SLC2A13: variants seen among roughly 807,000 people sequenced by gnomAD.
The protein encoded by SLC2A13 is proton myo-inositol cotransporter.
In SLC2A13, 32 loss-of-function variants were observed where a neutral mutation model predicts 64.4. The ratio of observed to expected loss-of-function variants is 0.50; its 90% CI spans 0.37 to 0.67. The LOEUF is 0.67. Ranked by LOEUF, SLC2A13 falls within the 30% of genes least tolerant of loss-of-function variation. The probability of loss-of-function intolerance (pLI) is 0.00; values close to 1 mark genes in which losing one functional copy is unlikely to be tolerated. For synonymous variants in SLC2A13, 338 were observed against 327.1 expected (o/e 1.03, Z -0.36); for missense variants, 743 against 829.2 (o/e 0.90, Z 1.28).
chr12:39,840,997 A>G (rs1943164083), intron 6 of SLC2A13, among the ~76,000 whole-genome samples: 1 of 152,160 alleles, frequency 6.6e-6, no homozygotes, highest in African/African-American at 2.4e-5. Flanking sequence ...TGAAGCTTGA[A>G]TCACACCATG....
At chr12:39,971,997 A>ATATATATAT (rs1555144633) in intron 3 of SLC2A13, among the ~76,000 whole-genome samples, 1 of 77,380 alleles carries the variant, frequency 1.3e-5, no homozygotes, top group Admixed American at 1.8e-4. Flanking sequence ...AAAAAAAAAA[A>ATATATATAT]ATATATATAT....
At chr12:39,832,715 G>GATCT (rs1566841771) in intron 6 of SLC2A13, among the ~76,000 whole-genome samples, 2 of 151,390 alleles carry the variant, frequency 1.3e-5, no homozygotes, top group African/African-American at 4.9e-5. Flanking sequence ...CCCTCTACTT[G>GATCT]CTATTATCAG....
chr12:39,953,694 A>G (rs1419437302), intron 3 of SLC2A13, among the ~76,000 whole-genome samples: 1 of 152,234 alleles, frequency 6.6e-6, no homozygotes, highest in Non-Finnish European at 1.5e-5. Context: ...TTCTCACATT[A>G]TAAAAACTAA....
rs1366122526 is a variant in SLC2A13, at chr12:39,920,313, C to G, written c.1034+30944G>C. ...AAATATTAATTATCTCCAAGAAAAC[C>G]TAGCACATTGTTCTGAACAACGTAG... On this transcript the variant is annotated intron_variant, in intron 4 of 9. Coordinates refer to ENST00000280871, the MANE Select transcript of SLC2A13 (RefSeq NM_052885.4). Among the ~76,000 whole-genome samples the G allele has an allele frequency of 3.3e-5, 5 of 152,022 alleles. No homozygotes were observed. In the South Asian group the frequency reaches 1.0e-3, roughly 31 times the overall value.
chr12:40,011,176 C>T (rs1947525430), intron 3 of SLC2A13, among the ~76,000 whole-genome samples: 1 of 152,150 alleles, frequency 6.6e-6, no homozygotes, highest in Non-Finnish European at 1.5e-5. Context: ...GGTTTATCAA[C>T]ATCACCTGTG....
chr12:39,954,445 G>T (rs1341792038), intron 3 of SLC2A13, among the ~76,000 whole-genome samples: 2 of 152,114 alleles, frequency 1.3e-5, no homozygotes, highest in African/African-American at 4.8e-5. Context: ...AACAACCCAA[G>T]ACAGGGGAAA....
chr12:39,838,798 T>G (rs1284714306), intron 6 of SLC2A13, among the ~76,000 whole-genome samples: 1 of 152,102 alleles, frequency 6.6e-6, no homozygotes, highest in Non-Finnish European at 1.5e-5. Flanking sequence ...ATTTTTAGTT[T>G]CTACTCTGTG....
intron 4 of SLC2A13, among the ~76,000 whole-genome samples, chr12:39,883,943 G>A (rs1338465774): frequency 5.3e-5 from 8 of 151,870 alleles, no homozygotes; most frequent in South Asian, 2.1e-4. Flanking sequence ...CCATCAAAAC[G>A]TTTAGACAGA....
intron 9 of SLC2A13, among the ~76,000 whole-genome samples, chr12:39,761,776 A>AGAT (rs1346858316): frequency 1.3e-5 from 2 of 152,116 alleles, no homozygotes; most frequent in African/African-American, 4.8e-5. Context: ...AAATAAGTAC[A>AGAT]GATGGTAAAA....
intron 4 of SLC2A13, among the ~76,000 whole-genome samples, chr12:39,912,105 T>C (rs189859326): frequency 2.0e-5 from 3 of 152,168 alleles, no homozygotes; most frequent in Non-Finnish European, 2.9e-5. Context: ...CAGTTCCTTT[T>C]TCCCCACAAT....
intron 4 of SLC2A13, among the ~76,000 whole-genome samples, chr12:39,896,492 A>G (rs1422719343): frequency 6.8e-6 from 1 of 147,672 alleles, no homozygotes; most frequent in East Asian, 2.0e-4. Context: ...GTATATATGT[A>G]CACATATATG....
intron 3 of SLC2A13, among the ~76,000 whole-genome samples, chr12:39,995,799 C>A (rs1947218432): frequency 6.6e-6 from 1 of 152,106 alleles, no homozygotes; most frequent in Non-Finnish European, 1.5e-5. Context: ...GTAAGTCTCA[C>A]AAGATCTGAT....
intron 4 of SLC2A13, among the ~76,000 whole-genome samples, chr12:39,898,821 A>G: frequency 6.6e-6 from 1 of 152,176 alleles, no homozygotes; most frequent in East Asian, 1.9e-4. Context: ...CAAATGGGGT[A>G]ACTTCACACA....
chr12:39,810,958 T>C (rs541005709), intron 7 of SLC2A13, among the ~76,000 whole-genome samples: 6 of 152,252 alleles, frequency 3.9e-5, no homozygotes, highest in African/African-American at 1.4e-4. Flanking sequence ...GTTGGGAAAT[T>C]TCCCCCACTC....
intron 4 of SLC2A13, among the ~76,000 whole-genome samples, chr12:39,930,312 A>C (rs1945802949): frequency 6.6e-6 from 1 of 152,164 alleles, no homozygotes; most frequent in South Asian, 2.1e-4. Flanking sequence ...GACTCACAGC[A>C]CACATCAGAG....
chr12:40,068,390 G>C, intron 1 of SLC2A13: 1 of 325,164 alleles, frequency 3.1e-6, no homozygotes, highest in South Asian at 2.5e-5. Context: ...CACCAGTTTA[G>C]GCCAACATGG....
rs962676660 is a variant in SLC2A13, at chr12:39,815,807, G to A, written c.1445+14296C>T. On this transcript the variant is annotated intron_variant, in intron 7 of 9. Transcript: ENST00000280871. ...GAAAAAACAAATAAATGTTGTTTTA[G>A]TTGTTAAGTTATAGCACAGTACAAC... Among the ~76,000 whole-genome samples, 4 of 152,174 alleles carry A rather than the reference G, an allele frequency of 2.6e-5. No individual in the cohort carries two copies. The East Asian group carries it at 7.7e-4, about 29-fold the overall frequency.
In SLC2A13 at chr12:39,875,083, G is replaced by A. The variant is rs536313722; in HGVS notation, c.1035-3122C>T. On this transcript the variant is annotated intron_variant, in intron 4 of 9. Transcript: ENST00000280871. ...GGTAAATATATTAGTTTGTGTTGCTGCCATGACAAATTACCACAAGGTTAG... is the reference window on the plus strand; with the variant it reads ...GGTAAATATATTAGTTTGTGTTGCTACCATGACAAATTACCACAAGGTTAG... 2.6e-5 allele frequency among the ~76,000 whole-genome samples: 4 copies of A among 152,260 alleles called. No homozygotes were observed. In the South Asian group the frequency reaches 8.3e-4, roughly 32 times the overall value.
intron 6 of SLC2A13, among the ~76,000 whole-genome samples, chr12:39,839,101 C>G (rs1236849884): frequency 6.6e-6 from 1 of 152,064 alleles, no homozygotes; most frequent in African/African-American, 2.4e-5. Flanking sequence ...AACAGCTATT[C>G]CCAAACTTCC....
Sources: allele counts gnomAD v4.1 joint callset (sites outside exome capture counted in the v4.1 genomes callset), GRCh38; gene constraint gnomAD v4.1.1; transcripts MANE v1.5; gene names NCBI Gene and HGNC (gene_info 2026-07-23, HGNC 2026-07-21).